GALNT17: variants seen among roughly 807,000 people sequenced by gnomAD.
GALNT17 encodes UDP-GalNAc:polypeptide N-acetylgalactosaminyltransferase-like 3.
In GALNT17, 29 loss-of-function variants were observed where a neutral mutation model predicts 63.7. The observed-to-expected ratio is 0.46, with a 90% confidence interval of 0.34 to 0.62. GALNT17 has a LOEUF of 0.62. Among genes scored for constraint, GALNT17 ranks in the 20% least tolerant of loss-of-function variants. The probability of loss-of-function intolerance (pLI) is 0.01; values close to 1 mark genes in which losing one functional copy is unlikely to be tolerated. For synonymous variants in GALNT17, 305 were observed against 318.3 expected (o/e 0.96, Z 0.45); for missense variants, 603 against 799.6 (o/e 0.75, Z 2.97).
At chr7:71,663,997 C>A (rs1790945581) in intron 6 of GALNT17, among the ~76,000 whole-genome samples, 1 of 149,428 alleles carries the variant, frequency 6.7e-6, no homozygotes, top group Admixed American at 6.6e-5. Context: ...GTACTAGGAA[C>A]CTCATTTCCA....
intron 9 of GALNT17, among the ~76,000 whole-genome samples, chr7:71,705,836 T>C (rs997376830): frequency 2.6e-5 from 4 of 152,046 alleles, no homozygotes. Flanking sequence ...CAGTAGCATC[T>C]CCAGGCAGAG....
Position 71,590,976 on chromosome 7 carries a change from G to T in GALNT17, c.1080+19574G>T, listed in dbSNP as rs1209052802. The stretch of plus-strand genomic sequence containing the variant: ...GGGTTTCGCCATATTGGCCAGGCTG[G>T]TCTCGAACTCTTGACCTCAGGTGAT... On this transcript the variant is annotated intron_variant, in intron 6 of 10. Transcript: ENST00000333538. 2.0e-5 allele frequency among the ~76,000 whole-genome samples: 3 copies of T among 152,340 alleles called. No homozygotes were observed. The East Asian group carries it at 5.8e-4, about 29-fold the overall frequency.
intron 2 of GALNT17, among the ~76,000 whole-genome samples, chr7:71,348,753 G>T (rs888479746): frequency 3.9e-5 from 6 of 152,222 alleles, no homozygotes; most frequent in Non-Finnish European, 8.8e-5. Context: ...GATGAGAGCT[G>T]CAGGAGGGGC....
chr7:71,428,071 T>C (rs1436486722), intron 5 of GALNT17, among the ~76,000 whole-genome samples: 2 of 152,216 alleles, frequency 1.3e-5, no homozygotes, highest in African/African-American at 4.8e-5. Flanking sequence ...TTGTTTATGA[T>C]GTTCTTAATC....
intron 6 of GALNT17, among the ~76,000 whole-genome samples, chr7:71,616,423 T>C (rs1488760586): frequency 1.3e-5 from 2 of 149,860 alleles, no homozygotes; most frequent in African/African-American, 4.9e-5. Context: ...CTCCTGGAAA[T>C]ATTTTTTTAT....
At chr7:71,383,625 G>A (rs1188017572) in intron 2 of GALNT17, among the ~76,000 whole-genome samples, 1 of 152,000 alleles carries the variant, frequency 6.6e-6, no homozygotes, top group African/African-American at 2.4e-5. Flanking sequence ...TCAGAGATGG[G>A]GTCTCACTGT....
intron 1 of GALNT17, among the ~76,000 whole-genome samples, chr7:71,329,501 A>C (rs549175232): frequency 9.1e-4 from 139 of 152,200 alleles, no homozygotes; most frequent in African/African-American, 3.1e-3. Flanking sequence ...ATTAAAAACT[A>C]CCCGAGACTG....
At chr7:71,679,748 G>C (rs937018638) in intron 9 of GALNT17, among the ~76,000 whole-genome samples, 1 of 152,150 alleles carries the variant, frequency 6.6e-6, no homozygotes, top group Middle Eastern at 3.4e-3. Context: ...CAGCCTGCAC[G>C]CTGCAGTGGG....
At chr7:71,367,870 C>A (rs1792543998) in intron 2 of GALNT17, among the ~76,000 whole-genome samples, 1 of 152,204 alleles carries the variant, frequency 6.6e-6, no homozygotes, top group African/African-American at 2.4e-5. Context: ...GTACCTTTTA[C>A]TGGTGGTCTT....
In GALNT17 at chr7:71,657,550, T is replaced by C. The variant is rs116749260; in HGVS notation, c.1081-7861T>C. Reference sequence around the variant, plus strand: ...CCTGGGCAGTACCTGGCACCCTGCATCCTCATTTGTTGCCTGTGGCTCTTC... The same window carrying C: ...CCTGGGCAGTACCTGGCACCCTGCACCCTCATTTGTTGCCTGTGGCTCTTC... On this transcript the variant is annotated intron_variant, in intron 6 of 10. Coordinates refer to ENST00000333538, the MANE Select transcript of GALNT17 (RefSeq NM_022479.3). Among the ~76,000 whole-genome samples, 577 of 152,216 alleles carry C rather than the reference T, an allele frequency of 3.8e-3. 4 individuals are homozygous for C. The highest frequency in any genetic ancestry group is 0.013 in the African/African-American group (558 of 41,558).
intron 1 of GALNT17, among the ~76,000 whole-genome samples, chr7:71,318,572 A>G (rs1791544843): frequency 6.6e-6 from 1 of 151,862 alleles, no homozygotes; most frequent in African/African-American, 2.4e-5. Context: ...GGCATGCACC[A>G]CCACGCCCAG....
chr7:71,349,436 T>C (rs1490669558), intron 2 of GALNT17, among the ~76,000 whole-genome samples: 1 of 152,100 alleles, frequency 6.6e-6, no homozygotes, highest in Admixed American at 6.6e-5. Context: ...ACTCTGAGGA[T>C]GGATGCAGGA....
chr7:71,156,664 T>TCC (rs1788241646), intron 1 of GALNT17, among the ~76,000 whole-genome samples: 1 of 145,446 alleles, frequency 6.9e-6, no homozygotes, highest in African/African-American at 2.7e-5. Flanking sequence ...CTCCCTTCCT[T>TCC]CTTCCCTCCC....
rs115210769 is a variant in GALNT17, at chr7:71,210,388, C to T, written c.238+77348C>T. Among the ~76,000 whole-genome samples the T allele has an allele frequency of 7.1e-3, 1,081 of 152,200 alleles. 11 individuals are homozygous for T. The highest frequency in any genetic ancestry group is 0.025 in the African/African-American group (1,031 of 41,518). On this transcript the variant is annotated intron_variant, in intron 1 of 10. Coordinates refer to ENST00000333538, the MANE Select transcript of GALNT17 (RefSeq NM_022479.3). ...CTGAGCTCAGGTGATTCTCCTGCCT[C>T]GGCCTCCCAAAGTGCCAGGATTACA...
intron 1 of GALNT17, among the ~76,000 whole-genome samples, chr7:71,266,672 G>T (rs532145041): frequency 6.6e-6 from 1 of 152,156 alleles, no homozygotes; most frequent in Non-Finnish European, 1.5e-5. Flanking sequence ...GTTTTTGGGG[G>T]TTAGAATGTG....
At chr7:71,175,316 A>G (rs184654507) in intron 1 of GALNT17, among the ~76,000 whole-genome samples, 20 of 152,160 alleles carry the variant, frequency 1.3e-4, no homozygotes, top group African/African-American at 4.3e-4. Flanking sequence ...TCAATTATCT[A>G]TCATCTGTCC....
chr7:71,509,029 G>A (rs1328883051), intron 5 of GALNT17, among the ~76,000 whole-genome samples: 3 of 152,048 alleles, frequency 2.0e-5, no homozygotes, highest in Non-Finnish European at 4.4e-5. Flanking sequence ...AACAGTTTCC[G>A]ACTTAAAAAT....
intron 6 of GALNT17, among the ~76,000 whole-genome samples, chr7:71,607,361 C>G (rs1351544695): frequency 6.6e-6 from 1 of 152,038 alleles, no homozygotes; most frequent in Non-Finnish European, 1.5e-5. Flanking sequence ...AAATCTAAAG[C>G]CTGTGAGAAC....
intron 5 of GALNT17, among the ~76,000 whole-genome samples, chr7:71,505,357 G>C (rs1427362340): frequency 6.6e-6 from 1 of 152,034 alleles, no homozygotes; most frequent in Non-Finnish European, 1.5e-5. Context: ...CTAATACCTT[G>C]GGTGGCTAAG....
Sources: gnomAD v4.1 joint callset for allele counts (sites outside exome capture counted in the v4.1 genomes callset) on GRCh38, gnomAD v4.1.1 for gene constraint, MANE v1.5 for transcripts, NCBI Gene and HGNC (gene_info 2026-07-23, HGNC 2026-07-21) for gene names.